The following FMN2 variants were observed in gnomAD, a reference collection of about 807,000 sequenced individuals.
FMN2 encodes formin-2.
A neutral mutation model predicts 142.3 loss-of-function variants in FMN2; 51 were observed. The ratio of observed to expected loss-of-function variants is 0.36; its 90% CI spans 0.29 to 0.45. The LOEUF is 0.45. Among genes scored for constraint, FMN2 ranks in the 20% least tolerant of loss-of-function variants. FMN2 has a pLI of 1.00. For missense variants in FMN2, 1,936 were observed against 2,122.8 expected (o/e 0.91, Z 1.73); for synonymous variants, 882 against 869.8 (o/e 1.01, Z -0.25).
intron 6 of FMN2, among the ~76,000 whole-genome samples, chr1:240,223,312 C>A (rs895552945): frequency 6.6e-6 from 1 of 152,156 alleles, no homozygotes; most frequent in Non-Finnish European, 1.5e-5. Flanking sequence ...GTTGAACCAG[C>A]CTTGCATCCC....
rs1393079289 is a variant in FMN2 at position 240,230,719 on chromosome 1, T to A, written c.4065+19484T>A. 1.5e-5 allele frequency among the ~76,000 whole-genome samples: 2 copies of A among 132,414 alleles called. 1 individual carries two copies. Among genetic ancestry groups the A allele is most frequent in the Non-Finnish European group, 3.2e-5 (2 of 63,088 alleles). 86.9% of individuals were successfully genotyped at this position (132,414 alleles called of 152,430 possible). A position where few individuals can be genotyped will look rare whatever the true frequency, so the allele number is the denominator to read the frequency against. On this transcript the variant is annotated intron_variant, in intron 6 of 17. Transcript: ENST00000319653. ...TCTTTTAATACTCTCCTGTATAATGTTGTTGGTGTTTTTACTTGCAGCTCC... is the reference window on the plus strand; with the variant it reads ...TCTTTTAATACTCTCCTGTATAATGATGTTGGTGTTTTTACTTGCAGCTCC...
At chr1:240,257,914 A>G in intron 6 of FMN2, 31 bp from the exon 7 acceptor site, 1 of 1,590,122 alleles carries the variant, frequency 6.3e-7, no homozygotes. Context: ...TCAAATTAAC[A>G]TTTTCCCCTT....
chr1:240,133,705 C>CA (rs1662829933), intron 2 of FMN2, among the ~76,000 whole-genome samples: 1 of 152,266 alleles, frequency 6.6e-6, no homozygotes, highest in African/African-American at 2.4e-5. Context: ...TCCCAGTTAG[C>CA]CTCCACTCTT....
intron 13 of FMN2, among the ~76,000 whole-genome samples, chr1:240,348,844 G>A (rs548456374): frequency 6.6e-6 from 1 of 152,262 alleles, no homozygotes; most frequent in Admixed American, 6.5e-5. Flanking sequence ...CTGTTTCTAT[G>A]TTTTTTGTTT....
intron 15 of FMN2, among the ~76,000 whole-genome samples, chr1:240,428,904 T>A (rs1046491929): frequency 7.9e-5 from 12 of 152,258 alleles, no homozygotes; most frequent in African/African-American, 1.9e-4. Flanking sequence ...ATTGCCTTGA[T>A]TGTCTTCAGT....
chr1:240,142,846 C>G, intron 2 of FMN2: 4 of 1,587,376 alleles, frequency 2.5e-6, no homozygotes. Context: ...ACCACATCCA[C>G]TGCCTGGCCT....
At chr1:240,176,193 A>G (rs1461945685) in intron 2 of FMN2, among the ~76,000 whole-genome samples, 1 of 152,134 alleles carries the variant, frequency 6.6e-6, no homozygotes, top group Non-Finnish European at 1.5e-5. Flanking sequence ...TTTAGGTCTT[A>G]TGTTTCAGTC....
At chr1:240,423,776 T>A (rs1376478647) in intron 15 of FMN2, among the ~76,000 whole-genome samples, 1 of 151,992 alleles carries the variant, frequency 6.6e-6, no homozygotes, top group East Asian at 1.9e-4. Context: ...ACCTCACGAG[T>A]CCCTTCATGT....
chr1:240,133,411 G>C (rs1662818467), intron 2 of FMN2, among the ~76,000 whole-genome samples: 1 of 152,156 alleles, frequency 6.6e-6, no homozygotes, highest in Non-Finnish European at 1.5e-5. Flanking sequence ...GCTCAAGTGA[G>C]CCTACTGCCT....
chr1:240,227,368 C>G (rs1027606225), intron 6 of FMN2, among the ~76,000 whole-genome samples: 5 of 152,100 alleles, frequency 3.3e-5, no homozygotes, highest in Non-Finnish European at 5.9e-5. Context: ...TGATACTTGC[C>G]AAGTTGTCCT....
chr1:240,380,715 TAA>T (rs11384026), intron 14 of FMN2, among the ~76,000 whole-genome samples: 4 of 127,744 alleles, frequency 3.1e-5, no homozygotes, highest in Non-Finnish European at 1.7e-5. Context: ...CAAAACTAGT[TAA>T]AAAAAAAAAA....
chr1:240,146,473 C>T (rs891182143), intron 2 of FMN2, among the ~76,000 whole-genome samples: 8 of 150,494 alleles, frequency 5.3e-5, no homozygotes, highest in East Asian at 2.0e-4. Flanking sequence ...GAGGCCAAGG[C>T]GGGCAGATCA....
intron 14 of FMN2, among the ~76,000 whole-genome samples, chr1:240,380,755 TA>T (rs1348710090): frequency 6.9e-6 from 1 of 144,338 alleles, no homozygotes; most frequent in African/African-American, 2.5e-5. Context: ...AGAGCAGAAC[TA>T]AATGAGATTG....
chr1:240,108,618 G>A (rs190909626), intron 1 of FMN2, among the ~76,000 whole-genome samples: 73 of 152,254 alleles, frequency 4.8e-4, no homozygotes, highest in African/African-American at 1.6e-3. Flanking sequence ...AAAATTTAAC[G>A]TGACAAGACA....
chr1:240,187,432 T>C (rs1002033454), intron 3 of FMN2, among the ~76,000 whole-genome samples: 1 of 152,140 alleles, frequency 6.6e-6, no homozygotes, highest in South Asian at 2.1e-4. Flanking sequence ...ACTTGCATTA[T>C]GGGCTTTGAA....
intron 2 of FMN2, among the ~76,000 whole-genome samples, chr1:240,160,056 T>C (rs1664219635): frequency 6.8e-6 from 1 of 147,190 alleles, no homozygotes; most frequent in South Asian, 2.1e-4. Context: ...TTTTTTTTTG[T>C]TATTAATAAA....
intron 11 of FMN2, among the ~76,000 whole-genome samples, chr1:240,333,225 G>A (rs1437454656): frequency 6.6e-6 from 1 of 152,100 alleles, no homozygotes; most frequent in Non-Finnish European, 1.5e-5. Context: ...AGGTATTTTT[G>A]AAGTGTGTTA....
rs57244764 is a variant in FMN2, at chr1:240,363,885, C to T, written c.4858+7977C>T. Among the ~76,000 whole-genome samples, 198 of 152,216 alleles carry T rather than the reference C, an allele frequency of 1.3e-3. 1 individual carries two copies. The highest frequency in any genetic ancestry group is 4.4e-3 in the African/African-American group (182 of 41,542). On this transcript the variant is annotated intron_variant, in intron 14 of 17. Transcript: ENST00000319653. ...CCCATGCTGGTCATGCTGGCTCAGG[C>T]TGCAGGAGCAAGCCTGGGAGACTTC...
rs117001983 is a variant in FMN2, at chr1:240,191,380, G to A, written c.1986+3118G>A. On this transcript the variant is annotated intron_variant, in intron 4 of 17. Coordinates refer to ENST00000319653, the MANE Select transcript of FMN2 (RefSeq NM_020066.5). ...CTGATGCTTAAAGCAAATACAGCTGGCACTCAAGTGAAAAGAACGGACTGT... is the reference window on the plus strand; with the variant it reads ...CTGATGCTTAAAGCAAATACAGCTGACACTCAAGTGAAAAGAACGGACTGT... Among the ~76,000 whole-genome samples the A allele has an allele frequency of 1.2e-3, 189 of 152,314 alleles. 4 individuals carry two copies. The East Asian group carries it at 0.031, about 25-fold the overall frequency.
Sources: allele counts gnomAD v4.1 joint callset (sites outside exome capture counted in the v4.1 genomes callset), GRCh38; gene constraint gnomAD v4.1.1; transcripts MANE v1.5; gene names NCBI Gene and HGNC (gene_info 2026-07-23, HGNC 2026-07-21).